The following PAXIP1 variants were observed in gnomAD, a reference collection of about 807,000 sequenced individuals.
The protein encoded by PAXIP1 is PAX-interacting protein 1.
In PAXIP1, 19 loss-of-function variants were observed where a neutral mutation model predicts 140.6. That is an observed-to-expected ratio of 0.14 (90% CI 0.09 to 0.20). PAXIP1 has a LOEUF of 0.20. Ranked by LOEUF, PAXIP1 falls within the 10% of genes least tolerant of loss-of-function variation. The pLI is 1.00. For synonymous variants in PAXIP1, 442 were observed against 444.6 expected (o/e 0.99, Z 0.07); for missense variants, 920 against 1,208.6 (o/e 0.76, Z 3.54).
At chr7:154,972,970 G>A (rs1388631931) in intron 6 of PAXIP1, among the ~76,000 whole-genome samples, 1 of 152,202 alleles carries the variant, frequency 6.6e-6, no homozygotes, top group Non-Finnish European at 1.5e-5. Context: ...TTGCTGCTCT[G>A]TGGCTGAGGC....
intron 2 of PAXIP1, among the ~76,000 whole-genome samples, chr7:154,996,136 C>T (rs926611267): frequency 6.6e-6 from 1 of 152,164 alleles, no homozygotes; most frequent in African/African-American, 2.4e-5. Flanking sequence ...TGAATTCAGA[C>T]TCAACTATTA....
chr7:154,982,744 C>G (rs1809900823), intron 5 of PAXIP1, among the ~76,000 whole-genome samples: 1 of 152,198 alleles, frequency 6.6e-6, no homozygotes, highest in African/African-American at 2.4e-5. Context: ...AGCCACACCA[C>G]TGCTCAAGGA....
intron 4 of PAXIP1, among the ~76,000 whole-genome samples, chr7:154,989,050 T>G (rs1810204173): frequency 6.6e-6 from 1 of 152,264 alleles, no homozygotes; most frequent in African/African-American, 2.4e-5. Flanking sequence ...GAAAAAACAT[T>G]GCAAAATACA....
chr7:154,980,341 ATCT>A (rs1442587194), intron 5 of PAXIP1, among the ~76,000 whole-genome samples: 2 of 152,146 alleles, frequency 1.3e-5, no homozygotes, highest in African/African-American at 4.8e-5. Flanking sequence ...TACAACATTA[ATCT>A]TTTTTTCGCA....
At chr7:154,978,958 A>G (rs1402252533) in intron 5 of PAXIP1, among the ~76,000 whole-genome samples, 1 of 152,098 alleles carries the variant, frequency 6.6e-6, no homozygotes, top group Non-Finnish European at 1.5e-5. Context: ...TAACTTGACT[A>G]TTTCCTGTGG....
At chr7:154,965,862 C>T (rs1431769778) in intron 8 of PAXIP1, among the ~76,000 whole-genome samples, 1 of 152,172 alleles carries the variant, frequency 6.6e-6, no homozygotes, top group African/African-American at 2.4e-5. Context: ...CACCCCTAGG[C>T]CCCACACTGT....
intron 13 of PAXIP1, among the ~76,000 whole-genome samples, chr7:154,957,991 AAAG>A (rs1226392596): frequency 1.1e-4 from 16 of 151,760 alleles, no homozygotes; most frequent in Non-Finnish European, 2.4e-4. Context: ...AAAAAAAAAA[AAAG>A]AATGTGGAAA....
At chr7:154,962,105 TA>T (rs1368333323) in intron 10 of PAXIP1, among the ~76,000 whole-genome samples, 1 of 152,218 alleles carries the variant, frequency 6.6e-6, no homozygotes, top group East Asian at 1.9e-4. Context: ...GAGAATCCAT[TA>T]AATATCTACT....
chr7:154,980,182 C>A (rs1315206218), intron 5 of PAXIP1, among the ~76,000 whole-genome samples: 1 of 151,402 alleles, frequency 6.6e-6, no homozygotes, highest in African/African-American at 2.4e-5. Flanking sequence ...CTTAATTTTC[C>A]AGAAAAATAA....
Position 155,002,953 on chromosome 7 carries a change from C to T in PAXIP1, c.-24G>A, listed in dbSNP as rs768808524. On this transcript the variant is annotated 5_prime_UTR_variant, in exon 1 of 21. Transcript: ENST00000404141. ...ATGATCGCGGCGGCCCGGGAGGCTC[C>T]GCGGCGGCGCCCGGCCCCGCCCACC... The T allele has an allele frequency of 8.5e-7, 1 of 1,172,810 alleles. No individual in the cohort carries two copies. The highest frequency in any genetic ancestry group is 2.3e-5 in the South Asian group (1 of 43,332). The allele number at this position is 1,172,810 out of a possible 1,614,324, so 72.7% of individuals were successfully genotyped here.
intron 1 of PAXIP1, among the ~76,000 whole-genome samples, chr7:154,999,150 A>G (rs1810774632): frequency 6.6e-6 from 1 of 152,210 alleles, no homozygotes; most frequent in South Asian, 2.1e-4. Flanking sequence ...AGACTGGGAC[A>G]TGGGGAGTTT....
At chr7:154,988,413 T>C (rs1810170258) in intron 4 of PAXIP1, among the ~76,000 whole-genome samples, 1 of 152,216 alleles carries the variant, frequency 6.6e-6, no homozygotes, top group Admixed American at 6.5e-5. Context: ...CATGTATGTA[T>C]GTCTACACTA....
chr7:154,981,159 A>C (rs909016134), intron 5 of PAXIP1, among the ~76,000 whole-genome samples: 1 of 152,140 alleles, frequency 6.6e-6, no homozygotes, highest in Non-Finnish European at 1.5e-5. Context: ...TAATGTGTAC[A>C]GAACGGGGTT....
intron 1 of PAXIP1, among the ~76,000 whole-genome samples, chr7:155,002,372 G>A (rs1310649898): frequency 2.6e-5 from 4 of 152,118 alleles, no homozygotes; most frequent in Non-Finnish European, 4.4e-5. Context: ...CCGGTGCACG[G>A]CCACGACCCC....
In PAXIP1 at chr7:154,962,308, G is replaced by T. The variant is rs1331118382; in HGVS notation, c.2127+13C>A. On this transcript the variant is annotated intron_variant, in intron 10 of 20. Transcript: ENST00000404141. ...GATGATTTAACAAATGGAACGCGAGGACTCTGTCTTACATGCTGTGAACAT... is the reference window on the plus strand; with the variant it reads ...GATGATTTAACAAATGGAACGCGAGTACTCTGTCTTACATGCTGTGAACAT... 6.2e-7 allele frequency: 1 copy of T among 1,611,828 alleles called. No individual in the cohort carries two copies. The highest frequency in any genetic ancestry group is 1.3e-5 in the African/African-American group (1 of 74,918).
intron 5 of PAXIP1, among the ~76,000 whole-genome samples, chr7:154,978,720 T>G (rs990277311): frequency 6.6e-6 from 1 of 152,226 alleles, no homozygotes; most frequent in Non-Finnish European, 1.5e-5. Flanking sequence ...GGTTTACATA[T>G]GATTTTTCCA....
intron 5 of PAXIP1, among the ~76,000 whole-genome samples, chr7:154,978,896 G>A (rs1037735214): frequency 5.3e-5 from 8 of 151,884 alleles, no homozygotes; most frequent in African/African-American, 4.8e-5. Flanking sequence ...GGATCCAGTA[G>A]GCTCTTGAGT....
At chr7:154,949,106 CATA>C (rs761781115) in intron 16 of PAXIP1, 1 of 152,130 alleles carries the variant, frequency 6.6e-6, no homozygotes. Context: ...AACCATACAG[CATA>C]ATAAGGCAGC....
At chr7:154,980,691 G>A (rs538913247) in intron 5 of PAXIP1, among the ~76,000 whole-genome samples, 4 of 152,198 alleles carry the variant, frequency 2.6e-5, no homozygotes, top group Non-Finnish European at 5.9e-5. Flanking sequence ...GGGATTTACA[G>A]GCGTGAGCCA....
Sources: allele counts gnomAD v4.1 joint callset (sites outside exome capture counted in the v4.1 genomes callset), GRCh38; gene constraint gnomAD v4.1.1; transcripts MANE v1.5; gene names NCBI Gene and HGNC (gene_info 2026-07-23, HGNC 2026-07-21).